The following PTPRN2 variants were observed in gnomAD, a reference collection of about 807,000 sequenced individuals.
The protein encoded by PTPRN2 is receptor-type tyrosine-protein phosphatase N2.
A neutral mutation model predicts 118.8 loss-of-function variants in PTPRN2; 74 were observed. The ratio of observed to expected loss-of-function variants is 0.62; its 90% CI spans 0.52 to 0.76. The LOEUF (loss-of-function observed/expected upper bound fraction) is 0.76. PTPRN2 is among the 30% of genes least tolerant of loss of function. The probability of loss-of-function intolerance (pLI) is 0.00; values close to 1 mark genes in which losing one functional copy is unlikely to be tolerated. For missense variants in PTPRN2, 1,481 were observed against 1,394.4 expected, an observed-to-expected ratio of 1.06 and a Z score of -0.99; for synonymous variants, 641 against 608.0, an observed-to-expected ratio of 1.05 and a Z score of -0.80.
chr7:158,516,455 C>T (rs1462227032), intron 1 of PTPRN2, among the ~76,000 whole-genome samples: 6 of 152,262 alleles, frequency 3.9e-5, no homozygotes, highest in Non-Finnish European at 7.3e-5. Flanking sequence ...AACTCCCCAG[C>T]CCCCTCCCAG....
intron 2 of PTPRN2, among the ~76,000 whole-genome samples, chr7:158,461,431 G>T (rs1311598750): frequency 6.6e-6 from 1 of 151,202 alleles, no homozygotes; most frequent in Non-Finnish European, 1.5e-5. Flanking sequence ...GGGAGGCAGA[G>T]CTTGCAGTGA....
Position 158,341,906 on chromosome 7 carries a change from A to T in PTPRN2, c.164-24974T>A, listed in dbSNP as rs186875721. On this transcript the variant is annotated intron_variant, in intron 2 of 22. Transcript: ENST00000389418. ...ACACCCACACTCACCATATGAGCTG[A>T]CACCTGCAGACGTCACTCACACCCA... is the stretch of plus-strand genomic sequence containing the variant. Among the ~76,000 whole-genome samples, 20 of 125,892 alleles carry T rather than the reference A, an allele frequency of 1.6e-4. No individual in the cohort carries two copies. The East Asian group carries it at 3.8e-3, about 24-fold the overall frequency. 82.6% of individuals were successfully genotyped at this position (125,892 alleles called of 152,430 possible).
chr7:158,049,529 T>C (rs997034753), intron 11 of PTPRN2, among the ~76,000 whole-genome samples: 1 of 152,228 alleles, frequency 6.6e-6, no homozygotes, highest in Non-Finnish European at 1.5e-5. Context: ...TGAGCTGAAG[T>C]TCCTTGAGGA....
At chr7:158,001,254 G>T (rs1805235242) in intron 11 of PTPRN2, among the ~76,000 whole-genome samples, 1 of 151,730 alleles carries the variant, frequency 6.6e-6, no homozygotes, top group Admixed American at 6.6e-5. Context: ...GGGGTACAGG[G>T]TGGGGCTGAG....
At chr7:158,029,197 AC>A (rs1416933394) in intron 11 of PTPRN2, 1 of 128,722 alleles carries the variant, frequency 7.8e-6, no homozygotes, top group African/African-American at 3.0e-5. Flanking sequence ...CGCCGGGGGC[AC>A]GGGGTCCGTA....
chr7:158,541,827 A>T lies in PTPRN2; in HGVS notation c.112+45731T>A, dbSNP rs889331046. ...GCCGCTGGGGAAGCTGAGAGACTGC[A>T]GAGCACCACGCATGCGCATCACACC... On this transcript the variant is annotated intron_variant, in intron 1 of 22. Transcript: ENST00000389418. The T allele has an allele frequency of 1.5e-4, 113 of 775,346 alleles. 1 individual carries two copies. Among genetic ancestry groups the T allele is most frequent in the Non-Finnish European group, 3.1e-5 (20 of 638,162 alleles). 48.0% of individuals were successfully genotyped at this position (775,346 alleles called of 1,614,324 possible).
chr7:158,269,518 C>T (rs1442566922), intron 3 of PTPRN2, among the ~76,000 whole-genome samples: 5 of 152,218 alleles, frequency 3.3e-5, no homozygotes, highest in African/African-American at 1.2e-4. Context: ...AGACATTCTG[C>T]AGCTCTAATT....
Position 158,587,715 on chromosome 7 carries a change from G to A in PTPRN2, c.-46C>T, listed in dbSNP as rs1168822259. ...CGCTCAGTCCATGGCCGCGCGGGAG[G>A]CGGCGGGAGGCGGCCGAGTCCGGGC... On this transcript the variant is annotated 5_prime_UTR_variant, in exon 1 of 23. Coordinates refer to ENST00000389418, the MANE Select transcript of PTPRN2 (RefSeq NM_002847.5). 8.7e-7 allele frequency: 1 copy of A among 1,149,572 alleles called. No individual in the cohort carries two copies. The highest frequency in any genetic ancestry group is 1.6e-5 in the African/African-American group (1 of 61,038). 71.2% of individuals were successfully genotyped at this position (1,149,572 alleles called of 1,614,324 possible).
intron 3 of PTPRN2, among the ~76,000 whole-genome samples, chr7:158,311,428 A>G (rs562400493): frequency 6.6e-6 from 1 of 152,346 alleles, no homozygotes; most frequent in African/African-American, 2.4e-5. Context: ...TAAATGCTGA[A>G]TTTTAATGGC....
At chr7:158,235,492 T>C (rs558106029) in intron 3 of PTPRN2, among the ~76,000 whole-genome samples, 15 of 152,222 alleles carry the variant, frequency 9.9e-5, no homozygotes, top group Admixed American at 8.5e-4. Context: ...AAGCCAAACA[T>C]AGAAAGACAA....
rs1327936545 is a variant in PTPRN2, at chr7:157,801,415, G to A, written c.1788+97258C>T. Among the ~76,000 whole-genome samples the A allele has an allele frequency of 6.6e-6, 1 of 152,148 alleles. No homozygotes were observed. Among genetic ancestry groups the A allele is most frequent in the Non-Finnish European group, 1.5e-5 (1 of 68,040 alleles). On this transcript the variant is annotated intron_variant, in intron 12 of 22. Coordinates refer to ENST00000389418, the MANE Select transcript of PTPRN2 (RefSeq NM_002847.5). The surrounding 1 kb of genome is among the most constrained non-coding windows in gnomAD (Gnocchi z 4.2). The stretch of plus-strand genomic sequence containing the variant: ...CACGGAGAGGCTCTGCATCACGAGA[G>A]TGCTGCGTTAACCCAGGTGCGGGGG...
intron 1 of PTPRN2, among the ~76,000 whole-genome samples, chr7:158,548,499 G>A (rs1455419492): frequency 1.3e-5 from 2 of 152,138 alleles, no homozygotes; most frequent in East Asian, 1.9e-4. Context: ...AGCTCCGCCC[G>A]CTCTTGGTGA....
chr7:158,230,513 G>A (rs933051602), intron 3 of PTPRN2, among the ~76,000 whole-genome samples: 7 of 152,048 alleles, frequency 4.6e-5, no homozygotes, highest in African/African-American at 1.2e-4. Flanking sequence ...GTCAAAGTGT[G>A]GGGGGATGGA....
At chr7:157,553,327 GTCCC>G (rs1244153427) in intron 21 of PTPRN2, among the ~76,000 whole-genome samples, 1 of 152,216 alleles carries the variant, frequency 6.6e-6, no homozygotes, top group East Asian at 1.9e-4. Flanking sequence ...CTGGGAGACT[GTCCC>G]TCACTGGCAA....
chr7:158,506,152 C>G (rs1414897214), intron 1 of PTPRN2, among the ~76,000 whole-genome samples: 1 of 152,156 alleles, frequency 6.6e-6, no homozygotes, highest in Non-Finnish European at 1.5e-5. Context: ...TGGGGAAGCA[C>G]AGAGAAAGCA....
At chr7:158,151,325 T>C (rs1252182608) in intron 6 of PTPRN2, among the ~76,000 whole-genome samples, 1 of 85,230 alleles carries the variant, frequency 1.2e-5, no homozygotes, top group Non-Finnish European at 2.1e-5. Flanking sequence ...CCACCTTCTA[T>C]TCCTGCCTCT....
intron 2 of PTPRN2, among the ~76,000 whole-genome samples, chr7:158,370,249 C>T (rs568463643): frequency 1.6e-4 from 25 of 151,802 alleles, no homozygotes; most frequent in African/African-American, 6.0e-4. Context: ...AGCAGCCTGG[C>T]CGACACGGCA....
intron 12 of PTPRN2, among the ~76,000 whole-genome samples, chr7:157,728,038 C>G (rs187492490): frequency 6.6e-6 from 1 of 152,118 alleles, no homozygotes; most frequent in Non-Finnish European, 1.5e-5. Flanking sequence ...CTGCCTCTCC[C>G]GTCTACACCT....
intron 12 of PTPRN2, among the ~76,000 whole-genome samples, chr7:157,745,709 T>C (rs1267015463): frequency 1.3e-5 from 2 of 152,172 alleles, no homozygotes; most frequent in Non-Finnish European, 2.9e-5. Context: ...CAGAACCGTG[T>C]GGATAAAGCA....
Sources: gnomAD v4.1 joint callset for allele counts (sites outside exome capture counted in the v4.1 genomes callset) on GRCh38, gnomAD v4.1.1 for gene constraint, Gnocchi (gnomAD v3.1) non-coding constraint, MANE v1.5 for transcripts, NCBI Gene and HGNC (gene_info 2026-07-23, HGNC 2026-07-21) for gene names.